The following NEK4 variants were observed in gnomAD, a reference collection of about 807,000 sequenced individuals.
The protein encoded by NEK4 is serine/threonine-protein kinase Nek4.
A neutral mutation model predicts 98.4 loss-of-function variants in NEK4; 86 were observed. The ratio of observed to expected loss-of-function variants is 0.87; its 90% CI spans 0.73 to 1.05. The LOEUF is 1.05. Among genes scored for constraint, NEK4 ranks in the 50% least tolerant of loss-of-function variants. The probability of loss-of-function intolerance (pLI) is 0.00; values close to 1 mark genes in which losing one functional copy is unlikely to be tolerated. For synonymous variants in NEK4, 328 were observed against 342.2 expected (o/e 0.96, Z 0.46); for missense variants, 898 against 950.3 (o/e 0.94, Z 0.72).
chr3:52,726,345 TC>T (rs2097364545), intron 15 of NEK4, among the ~76,000 whole-genome samples: 1 of 152,156 alleles, frequency 6.6e-6, no homozygotes, highest in African/African-American at 2.4e-5. Context: ...ACGCCTATAA[TC>T]CCAGCACTTT....
At chr3:52,744,085 T>C (rs1396942285) in intron 11 of NEK4, among the ~76,000 whole-genome samples, 154 bp downstream of exon 11, 1 of 152,332 alleles carries the variant, frequency 6.6e-6, no homozygotes, top group South Asian at 2.1e-4. Context: ...CTTAAAAGAC[T>C]TGACTAAGAA....
At chr3:52,731,034 A>G (rs2097369142) in intron 15 of NEK4, among the ~76,000 whole-genome samples, 1 of 152,208 alleles carries the variant, frequency 6.6e-6, no homozygotes, top group African/African-American at 2.4e-5. Context: ...CTAAAATGGT[A>G]TATTTTATCT....
chr3:52,708,768 T>G lies in NEK4; in HGVS notation c.*3009A>C, dbSNP rs1441304487. The G allele has an allele frequency of 6.6e-6, 1 of 151,738 alleles. No individual in the cohort carries two copies. Among genetic ancestry groups the G allele is most frequent in the South Asian group, 2.1e-4 (1 of 4,834 alleles). 9.4% of individuals were successfully genotyped at this position (151,738 alleles called of 1,614,324 possible). On this transcript the variant is annotated 3_prime_UTR_variant, in exon 16 of 16. Transcript: ENST00000233027. ...ACAGGAAAAAAAAAACTGCAAGCAG[T>G]AAAGGTTGTGCAGGTGATATTCAGT...
Position 52,766,168 on chromosome 3 carries a change from C to T in NEK4, c.558+10G>A. The T allele has an allele frequency of 6.2e-7, 1 of 1,612,528 alleles. No homozygotes were observed. The highest frequency in any genetic ancestry group is 8.5e-7 in the Non-Finnish European group (1 of 1,178,778). On this transcript the variant is annotated intron_variant, in intron 3 of 15. Transcript: ENST00000233027. Reference sequence around the variant, plus strand: ...GACAAGGTAAGCCAGCATACAGAGCCCAATCCTACCTTATAGTTGTAGGGT... The same window carrying T: ...GACAAGGTAAGCCAGCATACAGAGCTCAATCCTACCTTATAGTTGTAGGGT...
chr3:52,712,281 GA>G, intron 15 of NEK4, among the ~76,000 whole-genome samples: 1 of 152,322 alleles, frequency 6.6e-6, no homozygotes, highest in African/African-American at 2.4e-5. Context: ...AGTGAAATGG[GA>G]AAAGTTCCCT....
intron 7 of NEK4, among the ~76,000 whole-genome samples, chr3:52,751,388 G>A (rs905481666): frequency 6.0e-5 from 9 of 150,866 alleles, no homozygotes; most frequent in Non-Finnish European, 1.3e-4. Flanking sequence ...CCCGGGAGGC[G>A]GAGGTTGCAG....
chr3:52,761,365 G>A (rs977259930), intron 5 of NEK4, among the ~76,000 whole-genome samples: 1 of 152,068 alleles, frequency 6.6e-6, no homozygotes, highest in South Asian at 2.1e-4. Flanking sequence ...TGCAACCTCC[G>A]CTGCCCAGGT....
intron 15 of NEK4, among the ~76,000 whole-genome samples, chr3:52,712,821 A>G (rs1349489785): frequency 1.3e-5 from 2 of 152,074 alleles, no homozygotes; most frequent in African/African-American, 4.8e-5. Flanking sequence ...TGTCCTCTCA[A>G]TGTCCAGCTG....
intron 15 of NEK4, among the ~76,000 whole-genome samples, chr3:52,723,611 A>G (rs2097362005): frequency 1.3e-5 from 2 of 152,208 alleles, no homozygotes; most frequent in African/African-American, 4.8e-5. Context: ...AGCAAGGACA[A>G]GAAAGAAATA....
chr3:52,754,595 G>C, intron 6 of NEK4: 1 of 1,110,846 alleles, frequency 9.0e-7, no homozygotes, highest in Non-Finnish European at 1.3e-6. Flanking sequence ...AGAAAAGCCT[G>C]AAGAACAGCA....
intron 12 of NEK4, chr3:52,743,096 T>C (rs1026523373): frequency 3.0e-5 from 11 of 361,810 alleles, no homozygotes; most frequent in African/African-American, 2.1e-4. Context: ...GGAAGTCCTG[T>C]TAAGACCAAC....
intron 2 of NEK4, among the ~76,000 whole-genome samples, chr3:52,767,983 A>G (rs200980894): frequency 6.6e-6 from 1 of 152,352 alleles, no homozygotes; most frequent in East Asian, 1.9e-4. Context: ...ATCACTGGGC[A>G]TATCAATTAG....
At chr3:52,737,262 T>C (rs1358925154) in intron 15 of NEK4, among the ~76,000 whole-genome samples, 1 of 141,564 alleles carries the variant, frequency 7.1e-6, no homozygotes, top group Admixed American at 7.1e-5. Context: ...AAATTTTCCT[T>C]AAAAAAAAAA....
intron 6 of NEK4, among the ~76,000 whole-genome samples, chr3:52,752,898 C>T (rs1403143956): frequency 4.0e-5 from 2 of 49,542 alleles, no homozygotes; most frequent in Admixed American, 2.5e-4. Context: ...GAAACCCTGC[C>T]TCAAAAAAAA....
intron 14 of NEK4, among the ~76,000 whole-genome samples, 184 bp from the exon 15 acceptor site, chr3:52,737,903 C>G (rs1214596640): frequency 2.0e-5 from 3 of 151,764 alleles, no homozygotes; most frequent in African/African-American, 7.3e-5. Context: ...AAGCTCCACC[C>G]CCTAGGTTCA....
intron 10 of NEK4, among the ~76,000 whole-genome samples, chr3:52,744,803 G>A (rs2097393172): frequency 6.6e-6 from 1 of 151,964 alleles, no homozygotes. Flanking sequence ...CCCACAGCAG[G>A]GTTATAGCTA....
At chr3:52,741,929 G>A (rs935090461) in intron 12 of NEK4, among the ~76,000 whole-genome samples, 3 of 152,110 alleles carry the variant, frequency 2.0e-5, no homozygotes, top group African/African-American at 7.2e-5. Context: ...ACAGGCACGT[G>A]CCGCAACGCC....
chr3:52,744,282 C>A lies in NEK4; in HGVS notation c.1851G>T (p.Glu617Asp). Residue 617 changes from glutamate to aspartate, a missense_variant, in exon 11 of 16, where the codon GAG becomes GAT. By Grantham distance (45) the Glu-to-Asp change is conservative. Transcript: ENST00000233027. ...SSKDRPLSAR[E>D]RRRLKQSQEE... The stretch of plus-strand genomic sequence containing the variant: ...CCTGTGACTGCTTTAGTCGCCTCCT[C>A]TCTCTGGCTGATAATGGTCGATCCT... 6.2e-7 allele frequency: 1 copy of A among 1,613,886 alleles called. No individual in the cohort carries two copies. The highest frequency in any genetic ancestry group is 8.5e-7 in the Non-Finnish European group (1 of 1,179,754).
At chr3:52,749,344 G>A (rs909827088) in intron 8 of NEK4, among the ~76,000 whole-genome samples, 3 of 151,600 alleles carry the variant, frequency 2.0e-5, no homozygotes, top group African/African-American at 7.3e-5. Context: ...TGTTGGCCAG[G>A]CTGGTCTTGA....
Sources: allele counts gnomAD v4.1 joint callset (sites outside exome capture counted in the v4.1 genomes callset), GRCh38; gene constraint gnomAD v4.1.1; transcripts MANE v1.5; gene names NCBI Gene and HGNC (gene_info 2026-07-23, HGNC 2026-07-21).